CRACR2A: variants seen among roughly 807,000 people sequenced by gnomAD.
CRACR2A encodes EF-hand calcium-binding domain-containing protein 4B.
Under a neutral mutation model 90.5 loss-of-function variants are expected in CRACR2A, and 79 were observed. The ratio of observed to expected loss-of-function variants is 0.87; its 90% CI spans 0.73 to 1.05. The LOEUF (loss-of-function observed/expected upper bound fraction) is 1.05. Ranked by LOEUF, CRACR2A falls within the 50% of genes least tolerant of loss-of-function variation. The pLI, the probability that CRACR2A is intolerant of heterozygous loss-of-function variation, is 0.00. For synonymous variants in CRACR2A, 338 were observed against 356.7 expected (o/e 0.95, Z 0.59); for missense variants, 823 against 897.2 (o/e 0.92, Z 1.06).
chr12:3,659,769 C>CAT, intron 7 of CRACR2A, 115 bp from the exon 8 acceptor site: 1 of 791,810 alleles, frequency 1.3e-6, no homozygotes, highest in African/African-American at 1.7e-5. Flanking sequence ...GGGGTGACAG[C>CAT]ATAGGTCAGG....
intron 3 of CRACR2A, among the ~76,000 whole-genome samples, chr12:3,702,535 TATC>T (rs1565495291): frequency 6.6e-6 from 1 of 152,124 alleles, no homozygotes; most frequent in East Asian, 1.9e-4. Flanking sequence ...GAAATAAAAA[TATC>T]ATTTGCAATT....
At chr12:3,734,714 G>A (rs1369675808) in intron 1 of CRACR2A, among the ~76,000 whole-genome samples, 1 of 152,078 alleles carries the variant, frequency 6.6e-6, no homozygotes, top group Non-Finnish European at 1.5e-5. Flanking sequence ...ATTTGCGACA[G>A]CAGGGGTGAA....
At chr12:3,695,585 G>A (rs756766448) in intron 4 of CRACR2A, among the ~76,000 whole-genome samples, 3 of 152,154 alleles carry the variant, frequency 2.0e-5, no homozygotes, top group Non-Finnish European at 4.4e-5. Context: ...TCCACACCTC[G>A]GAGCTCACAT....
At chr12:3,752,296 G>T (rs1384771141) in intron 1 of CRACR2A, among the ~76,000 whole-genome samples, 11 of 152,028 alleles carry the variant, frequency 7.2e-5, no homozygotes, top group Admixed American at 6.6e-4. Context: ...GCTGCATCCC[G>T]TGCATGCATG....
chr12:3,747,108 C>T (rs78959652), intron 1 of CRACR2A, among the ~76,000 whole-genome samples: 12 of 152,298 alleles, frequency 7.9e-5, no homozygotes, highest in African/African-American at 1.4e-4. Flanking sequence ...CATTCAGAGG[C>T]GGCAGGCTGT....
intron 8 of CRACR2A, among the ~76,000 whole-genome samples, chr12:3,658,311 C>A (rs1944954870): frequency 6.6e-6 from 1 of 151,830 alleles, no homozygotes; most frequent in Admixed American, 6.6e-5. Flanking sequence ...GCAGAGGGGA[C>A]AAGATGCCCC....
rs1565488919 is a variant in CRACR2A at position 3,684,773 on chromosome 12, G to A, written c.229-4424C>T. Among the ~76,000 whole-genome samples the A allele has an allele frequency of 3.3e-5, 5 of 152,216 alleles. No homozygotes were observed. In the South Asian group the frequency reaches 1.0e-3, roughly 31 times the overall value. On this transcript the variant is annotated intron_variant, in intron 4 of 19. Coordinates refer to ENST00000440314, the MANE Select transcript of CRACR2A (RefSeq NM_001144958.2). ...GATATAATTGTCCTGTTGACACTGT[G>A]CAGGCATGCTTGCGCTTGTGCCCAG...
intron 14 of CRACR2A, among the ~76,000 whole-genome samples, chr12:3,637,068 T>C (rs184178811): frequency 3.3e-5 from 5 of 152,306 alleles, no homozygotes. Context: ...AGAGCATCTA[T>C]CACCATGAGC....
intron 9 of CRACR2A, among the ~76,000 whole-genome samples, chr12:3,654,970 C>T (rs1031187163): frequency 6.6e-6 from 1 of 152,172 alleles, no homozygotes; most frequent in Non-Finnish European, 1.5e-5. Context: ...AGAACATAGA[C>T]CTTTTCTATG....
chr12:3,682,011 T>C (rs17780624), intron 4 of CRACR2A, among the ~76,000 whole-genome samples: 20,305 of 152,192 alleles, frequency 0.13, 1,488 homozygotes, highest in Admixed American at 0.21. Flanking sequence ...CTCTGACTTA[T>C]CAACAATCCA....
chr12:3,701,482 G>A (rs937010107), intron 3 of CRACR2A, among the ~76,000 whole-genome samples: 1 of 152,092 alleles, frequency 6.6e-6, no homozygotes, highest in African/African-American at 2.4e-5. Context: ...AATGTGAGGT[G>A]ATATCATTAC....
chr12:3,688,738 T>A (rs894590541), intron 4 of CRACR2A, among the ~76,000 whole-genome samples: 1 of 152,238 alleles, frequency 6.6e-6, no homozygotes, highest in Non-Finnish European at 1.5e-5. Context: ...TCCTTGGTAG[T>A]TTGACATGAA....
At chr12:3,670,506 A>G (rs930765405) in intron 7 of CRACR2A, among the ~76,000 whole-genome samples, 3 of 152,196 alleles carry the variant, frequency 2.0e-5, no homozygotes, top group Middle Eastern at 3.2e-3. Context: ...AGTCATTTGC[A>G]AAGAATCCCA....
intron 1 of CRACR2A, among the ~76,000 whole-genome samples, chr12:3,741,901 C>T (rs1235472436): frequency 6.6e-6 from 1 of 152,238 alleles, no homozygotes; most frequent in Non-Finnish European, 1.5e-5. Flanking sequence ...AGGCTAACTG[C>T]CTGCAGTAAT....
In CRACR2A at chr12:3,695,414, T is replaced by C. The variant is rs140137574; in HGVS notation, c.228+1358A>G. Among the ~76,000 whole-genome samples the C allele has an allele frequency of 2.1e-3, 316 of 152,280 alleles. 3 individuals are homozygous for C. Among genetic ancestry groups the C allele is most frequent in the African/African-American group, 7.2e-3 (300 of 41,548 alleles). The stretch of plus-strand genomic sequence containing the variant: ...CACTGCAAAGAAGGGTAGGTTGGGC[T>C]CAATTGTGGGCTGAGCTGGTGTTCC... On this transcript the variant is annotated intron_variant, in intron 4 of 19. Transcript: ENST00000440314.
intron 10 of CRACR2A, among the ~76,000 whole-genome samples, chr12:3,653,464 A>G (rs1470097652): frequency 6.6e-6 from 1 of 152,218 alleles, no homozygotes; most frequent in Non-Finnish European, 1.5e-5. Flanking sequence ...CTCAGAGTAC[A>G]TTTGTTCTAA....
At chr12:3,656,244 G>T in intron 9 of CRACR2A, 67 bp downstream of exon 9, 1 of 1,485,822 alleles carries the variant, frequency 6.7e-7, no homozygotes, top group Non-Finnish European at 9.4e-7. Context: ...CAGGGAAAGT[G>T]GGCAAGAGGC....
At chr12:3,695,241 G>A (rs1415974741) in intron 4 of CRACR2A, among the ~76,000 whole-genome samples, 2 of 152,128 alleles carry the variant, frequency 1.3e-5, no homozygotes, top group African/African-American at 4.8e-5. Flanking sequence ...ACCAACCACC[G>A]CTACTGCAGA....
At chr12:3,724,468 G>A (rs1946232414) in intron 2 of CRACR2A, among the ~76,000 whole-genome samples, 1 of 152,206 alleles carries the variant, frequency 6.6e-6, no homozygotes, top group African/African-American at 2.4e-5. Context: ...CCCCAAGATA[G>A]CTGGCTGGTT....
Sources: gnomAD v4.1 joint callset for allele counts (sites outside exome capture counted in the v4.1 genomes callset) on GRCh38, gnomAD v4.1.1 for gene constraint, MANE v1.5 for transcripts, NCBI Gene and HGNC (gene_info 2026-07-23, HGNC 2026-07-21) for gene names.